NPEPL1: variants seen among roughly 807,000 people sequenced by gnomAD.
NPEPL1 encodes the protein probable aminopeptidase NPEPL1.
Under a neutral mutation model 52.4 loss-of-function variants are expected in NPEPL1, and 45 were observed. The observed-to-expected ratio is 0.86, with a 90% CI of 0.68 to 1.10. The LOEUF is 1.10. Among genes scored for constraint, NPEPL1 ranks in the 50% least tolerant of loss-of-function variants. NPEPL1 has a pLI of 0.00. For missense variants in NPEPL1, 696 were observed against 710.9 expected (o/e 0.98, Z 0.24); for synonymous variants, 360 against 314.7 (o/e 1.14, Z -1.52).
rs982845659 is a variant in NPEPL1, at chr20:58,703,034, C to T, written c.822+1876C>T. ...CTTCGTTTTGACCATCCCGCACTCT[C>T]GTGTTTTATTTTGGGTCCTCTGTTT... On this transcript the variant is annotated intron_variant, in intron 6 of 11. Transcript: ENST00000356091. Among the ~76,000 whole-genome samples, 6 of 152,200 alleles carry T rather than the reference C, an allele frequency of 3.9e-5. No individual in the cohort carries two copies. In the East Asian group the frequency reaches 5.8e-4, roughly 15 times the overall value.
chr20:58,691,755 G>A (rs761025043), upstream of NPEPL1: 51 of 1,414,106 alleles, frequency 3.6e-5, 1 homozygote, highest in South Asian at 5.7e-4. Flanking sequence ...CAAAATAACA[G>A]GAGTGGCTTA....
At chr20:58,690,950 C>A, upstream of NPEPL1, 1 of 569,532 alleles carries the variant, frequency 1.8e-6, no homozygotes, top group African/African-American at 1.9e-5. Context: ...TCCTCACCCA[C>A]TCCTATTTTC....
rs769923576 is a variant in NPEPL1 at position 58,715,182 on chromosome 20, A to G, written c.1428A>G (p.Thr476=). Residue 476 remains threonine (T), a synonymous_variant, in exon 12 of 12, where the codon ACA becomes ACG. Coordinates refer to ENST00000356091, the MANE Select transcript of NPEPL1 (RefSeq NM_024663.4). ...AAPVHAGERA[T]GFGVALLLAL... is the part of the protein sequence containing the mutation. ...TTTGCTTGCAGGGTGAGCGAGCCAC[A>G]GGCTTCGGTGTGGCCCTCCTGCTGG... 7.5e-6 allele frequency: 12 copies of G among 1,605,860 alleles called. No individual in the cohort carries two copies. The highest frequency in any genetic ancestry group is 2.2e-4 in the Middle Eastern group (1 of 4,458).
At position 58,703,662 on chromosome 20, in the gene NPEPL1, C is replaced by T. The variant is rs1383886111; in HGVS notation, c.822+2504C>T. On this transcript the variant is annotated intron_variant, in intron 6 of 11. Transcript: ENST00000356091. Reference sequence around the variant, plus strand: ...AACTCTAGTCACTTAGGGAAAATATCGTTGCACCTGACTTCATCTCATGTG... The same window carrying T: ...AACTCTAGTCACTTAGGGAAAATATTGTTGCACCTGACTTCATCTCATGTG... 17 of 985,298 alleles carry T rather than the reference C, an allele frequency of 1.7e-5. No individual in the cohort carries two copies. The South Asian group carries it at 5.2e-4, about 30-fold the overall frequency. The allele number at this position is 985,298 out of a possible 1,614,324, so 61.0% of individuals were successfully genotyped here. A position where few individuals can be genotyped will look rare whatever the true frequency, so the allele number is the denominator to read the frequency against.
chr20:58,703,752 G>A, intron 6 of NPEPL1: 1 of 983,684 alleles, frequency 1.0e-6, no homozygotes, highest in African/African-American at 1.8e-5. Context: ...GGAAAAACCT[G>A]ACCACACAGG....
chr20:58,693,659 C>T (rs563745191), intron 1 of NPEPL1, 78 bp from the exon 2 acceptor site: 90 of 1,343,580 alleles, frequency 6.7e-5, no homozygotes, highest in South Asian at 1.2e-4. Context: ...TGGTTGTGGC[C>T]GTGGCTGCAG....
chr20:58,691,698 T>TTTTTTTTTTTTTTC, upstream of NPEPL1: 3 of 242,260 alleles, frequency 1.2e-5, no homozygotes, highest in Non-Finnish European at 1.9e-5. Flanking sequence ...CTTTTCTTTT[T>TTTTTTTTTTTTTTC]TTTTTTTTTT....
chr20:58,707,273 C>G, intron 7 of NPEPL1, 73 bp downstream of exon 7: 3 of 1,322,262 alleles, frequency 2.3e-6, no homozygotes, highest in Non-Finnish European at 3.1e-6. Context: ...CTCCCCTGTC[C>G]GTCCCGCCAC....
chr20:58,703,192 C>T (rs576617612), intron 6 of NPEPL1, among the ~76,000 whole-genome samples: 2 of 152,320 alleles, frequency 1.3e-5, no homozygotes, highest in African/African-American at 4.8e-5. Flanking sequence ...TCATTGCTAA[C>T]GTCCATGTAA....
rs748817703 is a variant in NPEPL1, at chr20:58,699,246, G to A, written c.647G>A (p.Arg216Gln). Residue 216 changes from arginine (R) to glutamine (Q), a missense_variant, in exon 5 of 12, where the codon CGG (arginine) becomes CAG (glutamine). Arg to Gln is a conservative substitution (Grantham distance 43). Coordinates refer to ENST00000356091, the MANE Select transcript of NPEPL1 (RefSeq NM_024663.4). ...CTGGGGATCATCCCAACCATCATCC[G>A]GGATGAGGAACTGAAGACGAGAGGA... is the stretch of plus-strand genomic sequence containing the variant. ...KELGIIPTIIRDEELKTRGFG... is the reference protein window; with the variant it reads ...KELGIIPTIIQDEELKTRGFG... The A allele has an allele frequency of 1.0e-5, 16 of 1,607,432 alleles. No individual in the cohort carries two copies. Among genetic ancestry groups the A allele is most frequent in the Admixed American group, 5.1e-5 (3 of 59,104 alleles).
At chr20:58,706,497 GGC>G (rs2084734691) in intron 6 of NPEPL1, among the ~76,000 whole-genome samples, 1 of 152,232 alleles carries the variant, frequency 6.6e-6, no homozygotes, top group Non-Finnish European at 1.5e-5. Context: ...GGCGACAGGT[GGC>G]CAGGGCAGGT....
chr20:58,693,525 C>T (rs1353829280), intron 1 of NPEPL1: 2 of 485,776 alleles, frequency 4.1e-6, no homozygotes, highest in Non-Finnish European at 7.3e-6. Context: ...TTGGTGGCTT[C>T]ATCCCACCAG....
intron 3 of NPEPL1, among the ~76,000 whole-genome samples, chr20:58,695,216 C>G: frequency 8.3e-4 from 1 of 1,208 alleles, no homozygotes; most frequent in African/African-American, 3.6e-3. Context: ...TGTGCATGAG[C>G]AGCATGTGTT....
chr20:58,689,214 C>T (rs931052565), upstream of NPEPL1: 1 of 152,226 alleles, frequency 6.6e-6, no homozygotes, highest in Non-Finnish European at 1.5e-5. Context: ...CCTGCAAGGT[C>T]AGTATATATT....
intron 6 of NPEPL1, chr20:58,703,877 TGC>T: frequency 2.0e-6 from 2 of 985,150 alleles, no homozygotes; most frequent in Non-Finnish European, 2.4e-6. Flanking sequence ...CTTCTGAAAA[TGC>T]GACTATAGCC....
chr20:58,707,029 GCTAGCGTGGGGCCGGGT>G, intron 6 of NPEPL1, 77 bp from the exon 7 acceptor site: 1 of 1,276,262 alleles, frequency 7.8e-7, no homozygotes, highest in Non-Finnish European at 1.1e-6. Context: ...GGAAGGTGGG[GCTAGCGTGGGGCCGGGT>G]GGGGGTGGGG....
chr20:58,712,437 C>A, intron 7 of NPEPL1, 42 bp from the exon 8 acceptor site: 2 of 1,407,808 alleles, frequency 1.4e-6, no homozygotes, highest in Non-Finnish European at 2.0e-6. Context: ...CTCCCCAAAC[C>A]TATGACCTAC....
In NPEPL1 at chr20:58,698,788, C is replaced by T; in HGVS notation, c.597+15C>T. The T allele has an allele frequency of 6.2e-7, 1 of 1,608,952 alleles. No individual in the cohort carries two copies. The highest frequency in any genetic ancestry group is 8.5e-7 in the Non-Finnish European group (1 of 1,177,518). On this transcript the variant is annotated intron_variant, in intron 4 of 11. Transcript: ENST00000356091. ...CCTTCCTCGAGGTTTGTGGCGTCATCAGGCCGGGGGTGGGACCAGGCTGGG... is the reference window on the plus strand; with the variant it reads ...CCTTCCTCGAGGTTTGTGGCGTCATTAGGCCGGGGGTGGGACCAGGCTGGG...
At chr20:58,691,883 C>T (rs973377815), upstream of NPEPL1, 79 of 1,086,218 alleles carry the variant, frequency 7.3e-5, no homozygotes, top group East Asian at 1.8e-3. Flanking sequence ...CCCAATGCAT[C>T]GTCATTCCCT....
Sources: gnomAD v4.1 joint callset for allele counts (sites outside exome capture counted in the v4.1 genomes callset) on GRCh38, gnomAD v4.1.1 for gene constraint, MANE v1.5 for transcripts, NCBI Gene and HGNC (gene_info 2026-07-23, HGNC 2026-07-21) for gene names.